Variants in NBEAL1 observed in about 807,000 individuals in gnomAD.
NBEAL1 encodes the protein neurobeachin like 1, also known as neurobeachin-like protein 1.
In NBEAL1, 273 loss-of-function variants were observed where a neutral mutation model predicts 351.3. The observed-to-expected ratio is 0.78, with a 90% CI of 0.70 to 0.86. NBEAL1 has a LOEUF of 0.86. Ranked by LOEUF, NBEAL1 falls within the 40% of genes least tolerant of loss-of-function variation. NBEAL1 has a pLI of 0.00. For synonymous variants in NBEAL1, 1,050 were observed against 1,086.4 expected, an observed-to-expected ratio of 0.97 and a Z score of 0.66; for missense variants, 2,961 against 3,201.3, an observed-to-expected ratio of 0.92 and a Z score of 1.81.
intron 54 of NBEAL1, among the ~76,000 whole-genome samples, chr2:203,211,578 A>G: frequency 6.6e-6 from 1 of 152,142 alleles, no homozygotes. Context: ...GCCCAGGTCA[A>G]GGCTACAGTA....
At chr2:203,050,426 A>G (rs2061306881) in intron 4 of NBEAL1, among the ~76,000 whole-genome samples, 2 of 152,184 alleles carry the variant, frequency 1.3e-5, no homozygotes, top group Admixed American at 1.3e-4. Flanking sequence ...TACTATACCT[A>G]GTTATAGCAA....
Position 203,138,654 on chromosome 2 carries a change from TGTCA to T in NBEAL1, c.4758_4761del (p.Val1587AlafsTer9). 6.2e-7 allele frequency: 1 copy of T among 1,612,486 alleles called. No homozygotes were observed. Among genetic ancestry groups the T allele is most frequent in the Non-Finnish European group, 8.5e-7 (1 of 1,179,544 alleles). On this transcript the variant is annotated frameshift_variant, in exon 31 of 56. Coordinates refer to ENST00000683969, the MANE Select transcript of NBEAL1 (RefSeq NM_001378026.1). LOFTEE classifies it high-confidence loss of function. ...GATATGATGCTGCTCTTTGACTGTC[TGTCA>T]GTCTGCTATTCTGAAAGTCCAGTAT...
At chr2:203,159,690 A>G (rs924925105) in intron 36 of NBEAL1, among the ~76,000 whole-genome samples, 1 of 152,142 alleles carries the variant, frequency 6.6e-6, no homozygotes, top group African/African-American at 2.4e-5. Flanking sequence ...TAGTACTTCC[A>G]TGAATATTCA....
intron 18 of NBEAL1, among the ~76,000 whole-genome samples, chr2:203,120,678 T>G (rs1371598872): frequency 1.3e-5 from 2 of 152,192 alleles, no homozygotes; most frequent in East Asian, 3.9e-4. Flanking sequence ...ATGGATAGAA[T>G]TTTTAGCAGA....
intron 18 of NBEAL1, among the ~76,000 whole-genome samples, chr2:203,120,026 A>C (rs1458330993): frequency 6.6e-6 from 1 of 152,204 alleles, no homozygotes; most frequent in Non-Finnish European, 1.5e-5. Context: ...CCCTTACAAT[A>C]CAAAGATAAA....
chr2:203,065,055 C>T (rs1208843220), intron 6 of NBEAL1, among the ~76,000 whole-genome samples: 3 of 151,732 alleles, frequency 2.0e-5, no homozygotes, highest in East Asian at 3.9e-4. Context: ...CCCAGGAGTT[C>T]GAGGCCAACC....
At chr2:203,084,208 A>G (rs2061924382) in intron 9 of NBEAL1, among the ~76,000 whole-genome samples, 1 of 152,178 alleles carries the variant, frequency 6.6e-6, no homozygotes, top group Admixed American at 6.5e-5. Context: ...ATTAGAGCTA[A>G]ACTAGGAAAT....
Position 203,062,316 on chromosome 2 carries a change from A to G in NBEAL1, c.515+4863A>G, listed in dbSNP as rs746142688. 30 of 482,804 alleles carry G rather than the reference A, an allele frequency of 6.2e-5. No homozygotes were observed. Among genetic ancestry groups the G allele is most frequent in the Non-Finnish European group, 1.0e-4 (25 of 239,964 alleles). 29.9% of individuals were successfully genotyped at this position (482,804 alleles called of 1,614,324 possible). On this transcript the variant is annotated intron_variant, in intron 6 of 55. Transcript: ENST00000683969. The surrounding 1 kb of genome is among the most constrained non-coding windows in gnomAD (Gnocchi z 4.2). ...TGAAGGTTTCCTGCGTCACATCTCT[A>G]TAAGAGTTTCTTCTGGGAAAAATCC... is the stretch of plus-strand genomic sequence containing the variant.
chr2:203,037,832 G>A (rs2061064105), intron 2 of NBEAL1, among the ~76,000 whole-genome samples: 1 of 149,090 alleles, frequency 6.7e-6, no homozygotes, highest in Non-Finnish European at 1.5e-5. Flanking sequence ...CATGATAGCT[G>A]TAATCCCAGC....
intron 35 of NBEAL1, among the ~76,000 whole-genome samples, chr2:203,154,060 A>G (rs1201319986): frequency 2.6e-5 from 4 of 151,902 alleles, no homozygotes; most frequent in Non-Finnish European, 5.9e-5. Flanking sequence ...CCTGGCTAAC[A>G]TGGTGAAACC....
chr2:203,209,150 C>A lies in NBEAL1; in HGVS notation c.7624-11C>A. ...TTGTCTTTTTCATTTTCTGATATAT[C>A]CTGTGTGTAGGATGGAACGGTGATT... On this transcript the variant is annotated splice_polypyrimidine_tract_variant and intron_variant, in intron 52 of 55. Coordinates refer to ENST00000683969, the MANE Select transcript of NBEAL1 (RefSeq NM_001378026.1). The A allele has an allele frequency of 6.2e-7, 1 of 1,601,944 alleles. No individual in the cohort carries two copies. The highest frequency in any genetic ancestry group is 8.5e-7 in the Non-Finnish European group (1 of 1,170,846).
chr2:203,106,104 T>C (rs1462150453), intron 12 of NBEAL1, among the ~76,000 whole-genome samples: 1 of 152,254 alleles, frequency 6.6e-6, no homozygotes, highest in Non-Finnish European at 1.5e-5. Flanking sequence ...ACTGTTCTTC[T>C]GTCCAGTTAT....
chr2:203,034,620 A>C (rs2061012486), intron 2 of NBEAL1, among the ~76,000 whole-genome samples: 1 of 147,442 alleles, frequency 6.8e-6, no homozygotes, highest in South Asian at 2.1e-4. Flanking sequence ...CACCACTCCT[A>C]ATTTTGTATT....
chr2:203,165,878 A>G (rs762617786), intron 36 of NBEAL1, among the ~76,000 whole-genome samples: 4 of 152,078 alleles, frequency 2.6e-5, no homozygotes, highest in Admixed American at 6.6e-5. Flanking sequence ...CCCCACCTCT[A>G]TAAAAAATAT....
intron 2 of NBEAL1, among the ~76,000 whole-genome samples, chr2:203,030,566 A>G (rs2060934377): frequency 6.6e-6 from 1 of 152,222 alleles, no homozygotes; most frequent in Non-Finnish European, 1.5e-5. Context: ...TGATTCCCAA[A>G]GCTTACAACT....
chr2:203,204,773 G>T (rs906882403), intron 51 of NBEAL1, among the ~76,000 whole-genome samples: 2 of 151,810 alleles, frequency 1.3e-5, no homozygotes, highest in Non-Finnish European at 2.9e-5. Context: ...TTTTAGTGGG[G>T]TTTTAAAAAT....
intron 31 of NBEAL1, among the ~76,000 whole-genome samples, chr2:203,142,905 AG>A (rs1189577645): frequency 5.3e-5 from 8 of 152,096 alleles, no homozygotes; most frequent in Admixed American, 5.2e-4. Flanking sequence ...CAGAGCTTTG[AG>A]TCATGTTAGA....
rs1372814752 is a variant in NBEAL1, at chr2:203,223,811, A to T, written c.*6457A>T. Among the ~76,000 whole-genome samples, 4 of 152,060 alleles carry T rather than the reference A, an allele frequency of 2.6e-5. No individual in the cohort carries two copies. Among genetic ancestry groups the T allele is most frequent in the Non-Finnish European group, 5.9e-5 (4 of 67,918 alleles). ...TACAATTTAGTGGGATGAACCTACAAATTCATAAATGCTTCTCTTTATTTT... is the reference window on the plus strand; with the variant it reads ...TACAATTTAGTGGGATGAACCTACATATTCATAAATGCTTCTCTTTATTTT... On this transcript the variant is annotated 3_prime_UTR_variant, in exon 56 of 56. Coordinates refer to ENST00000683969, the MANE Select transcript of NBEAL1 (RefSeq NM_001378026.1).
intron 7 of NBEAL1, among the ~76,000 whole-genome samples, chr2:203,076,828 G>T (rs1180085255): frequency 6.6e-6 from 1 of 151,632 alleles, no homozygotes; most frequent in Non-Finnish European, 1.5e-5. Context: ...CTGACCTCAG[G>T]TGATCCGCCT....
Sources: allele counts gnomAD v4.1 joint callset (sites outside exome capture counted in the v4.1 genomes callset), GRCh38; gene constraint gnomAD v4.1.1; non-coding constraint Gnocchi (gnomAD v3.1); transcripts MANE v1.5; gene names NCBI Gene and HGNC (gene_info 2026-07-23, HGNC 2026-07-21).